Variants in ACOXL observed in about 807,000 individuals in gnomAD.
ACOXL encodes the protein acyl-CoA oxidase like, also known as acyl-coenzyme A oxidase-like protein.
ACOXL carries 70 observed loss-of-function variants against 71.9 expected under a neutral mutation model. That is an observed-to-expected ratio of 0.97 (90% confidence interval 0.80 to 1.19). The LOEUF (loss-of-function observed/expected upper bound fraction) is 1.19, where lower values mean the gene tolerates loss of function less well. Ranked by LOEUF, ACOXL falls within the 50% of genes most tolerant of loss-of-function variation. The probability of loss-of-function intolerance (pLI) is 0.00; values close to 1 mark genes in which losing one functional copy is unlikely to be tolerated. For synonymous variants in ACOXL, 253 were observed against 281.6 expected (o/e 0.90, Z 1.02); for missense variants, 703 against 736.3 (o/e 0.95, Z 0.52).
At chr2:110,893,230 AT>A (rs1458762150) in intron 10 of ACOXL, among the ~76,000 whole-genome samples, 2 of 152,208 alleles carry the variant, frequency 1.3e-5, no homozygotes, top group Non-Finnish European at 2.9e-5. Context: ...CAATGGTTTA[AT>A]TTTTTTAATA....
At chr2:110,853,312 A>G (rs1003411078) in intron 10 of ACOXL, among the ~76,000 whole-genome samples, 1 of 152,162 alleles carries the variant, frequency 6.6e-6, no homozygotes. Flanking sequence ...ACAACAAAGA[A>G]TTATCTGGCC....
intron 10 of ACOXL, among the ~76,000 whole-genome samples, chr2:110,899,693 G>A (rs1216881686): frequency 6.6e-6 from 1 of 152,070 alleles, no homozygotes; most frequent in Non-Finnish European, 1.5e-5. Context: ...ATGGCTCCAT[G>A]TCTCCCATTT....
At chr2:110,966,446 C>A (rs757305141) in intron 12 of ACOXL, among the ~76,000 whole-genome samples, 1 of 152,218 alleles carries the variant, frequency 6.6e-6, no homozygotes, top group African/African-American at 2.4e-5. Flanking sequence ...GTGTTCTCCC[C>A]ACCCTTGGTG....
At chr2:110,931,633 A>G (rs1192954682) in intron 11 of ACOXL, among the ~76,000 whole-genome samples, 5 of 152,184 alleles carry the variant, frequency 3.3e-5, no homozygotes, top group Non-Finnish European at 5.9e-5. Flanking sequence ...AGGTATGTTT[A>G]CTTCAGTTGA....
chr2:110,943,940 A>G (rs1416074799), intron 12 of ACOXL, among the ~76,000 whole-genome samples: 2 of 152,136 alleles, frequency 1.3e-5, no homozygotes, highest in African/African-American at 4.8e-5. Flanking sequence ...TTGAGTGAAT[A>G]CTATTATTAG....
At chr2:110,755,240 C>T (rs993030388) in intron 1 of ACOXL, among the ~76,000 whole-genome samples, 1 of 152,136 alleles carries the variant, frequency 6.6e-6, no homozygotes, top group African/African-American at 2.4e-5. Context: ...ACTCCCACCC[C>T]CAGAACTGAT....
chr2:110,849,707 G>A (rs1028065550), intron 10 of ACOXL, among the ~76,000 whole-genome samples: 2 of 152,250 alleles, frequency 1.3e-5, no homozygotes, highest in Non-Finnish European at 2.9e-5. Flanking sequence ...GCAGTGAGCC[G>A]CGATTGCACT....
chr2:110,786,298 A>G (rs1163381437), intron 3 of ACOXL, among the ~76,000 whole-genome samples: 2 of 152,188 alleles, frequency 1.3e-5, no homozygotes, highest in Non-Finnish European at 2.9e-5. Flanking sequence ...TGGTGTGGAC[A>G]TTGTCTATTG....
At chr2:110,856,411 T>C (rs1693250115) in intron 10 of ACOXL, among the ~76,000 whole-genome samples, 1 of 152,206 alleles carries the variant, frequency 6.6e-6, no homozygotes, top group Non-Finnish European at 1.5e-5. Context: ...TTTATTTGAC[T>C]TCATATGTCC....
chr2:110,947,363 AG>A (rs2061148986), intron 12 of ACOXL, among the ~76,000 whole-genome samples: 2 of 152,308 alleles, frequency 1.3e-5, no homozygotes, highest in East Asian at 3.9e-4. Context: ...TCTGCCTTAC[AG>A]TGGAGAGGGG....
chr2:110,950,914 C>G (rs2061311099), intron 12 of ACOXL, among the ~76,000 whole-genome samples: 1 of 150,782 alleles, frequency 6.6e-6, no homozygotes, highest in African/African-American at 2.4e-5. Context: ...GCTAGAGGGT[C>G]TCTCTCTCTC....
intron 10 of ACOXL, among the ~76,000 whole-genome samples, chr2:110,845,979 C>CG (rs1294352705): frequency 6.6e-6 from 1 of 152,104 alleles, no homozygotes; most frequent in East Asian, 1.9e-4. Flanking sequence ...TATGGTAACT[C>CG]TAAGTTTAAG....
chr2:111,011,610 C>T (rs2064160173), intron 14 of ACOXL, among the ~76,000 whole-genome samples: 1 of 152,110 alleles, frequency 6.6e-6, no homozygotes, highest in African/African-American at 2.4e-5. Flanking sequence ...GGACCAGGTG[C>T]AGTGGCTCAT....
intron 1 of ACOXL, among the ~76,000 whole-genome samples, chr2:110,749,984 A>T (rs1249102236): frequency 6.6e-6 from 1 of 152,182 alleles, no homozygotes; most frequent in Non-Finnish European, 1.5e-5. Context: ...TTTCCGTATG[A>T]CTAGACTGGA....
intron 12 of ACOXL, among the ~76,000 whole-genome samples, chr2:110,944,158 A>G (rs1332398064): frequency 6.6e-6 from 1 of 152,060 alleles, no homozygotes; most frequent in East Asian, 1.9e-4. Context: ...CCCAGGCTCA[A>G]GCGATTCTCC....
At chr2:110,850,859 G>A (rs1045062253) in intron 10 of ACOXL, among the ~76,000 whole-genome samples, 1 of 152,180 alleles carries the variant, frequency 6.6e-6, no homozygotes, top group South Asian at 2.1e-4. Context: ...ACACCAAGAC[G>A]TGTATGCATG....
intron 2 of ACOXL, among the ~76,000 whole-genome samples, chr2:110,773,012 G>A (rs1682160114): frequency 6.6e-6 from 1 of 152,166 alleles, no homozygotes; most frequent in Non-Finnish European, 1.5e-5. Flanking sequence ...ATTGACAGCT[G>A]TAGCCTGGAC....
chr2:110,903,496 C>T (rs548955200), intron 10 of ACOXL, among the ~76,000 whole-genome samples: 8 of 152,180 alleles, frequency 5.3e-5, no homozygotes, highest in African/African-American at 7.2e-5. Flanking sequence ...TATCGCTGTG[C>T]GCACAAGCAC....
intron 12 of ACOXL, chr2:110,963,741 C>G (rs549033679): frequency 1.2e-6 from 2 of 1,612,610 alleles, no homozygotes; most frequent in South Asian, 2.2e-5. Flanking sequence ...TTTTCAAGAT[C>G]AAGAGTTATC....
Sources: allele counts gnomAD v4.1 joint callset (sites outside exome capture counted in the v4.1 genomes callset), GRCh38; gene constraint gnomAD v4.1.1; transcripts MANE v1.5; gene names NCBI Gene and HGNC (gene_info 2026-07-23, HGNC 2026-07-21).